Variants in ARHGAP28 observed in about 807,000 individuals in gnomAD.
ARHGAP28 encodes rho GTPase-activating protein 28.
ARHGAP28 carries 56 observed loss-of-function variants against 90.7 expected under a neutral mutation model. The ratio of observed to expected loss-of-function variants is 0.62; its 90% CI spans 0.50 to 0.77. The LOEUF (loss-of-function observed/expected upper bound fraction) is 0.77. ARHGAP28 is among the 30% of genes least tolerant of loss of function. The pLI, the probability that ARHGAP28 is intolerant of heterozygous loss-of-function variation, is 0.00. For missense variants in ARHGAP28, 869 were observed against 900.9 expected, an observed-to-expected ratio of 0.96 and a Z score of 0.45; for synonymous variants, 308 against 323.3, an observed-to-expected ratio of 0.95 and a Z score of 0.51.
intron 1 of ARHGAP28, among the ~76,000 whole-genome samples, chr18:6,812,477 C>T (rs1278035827): frequency 6.6e-6 from 1 of 152,142 alleles, no homozygotes; most frequent in African/African-American, 2.4e-5. Flanking sequence ...AAGGCAGTAA[C>T]ATTACTGGAA....
intron 1 of ARHGAP28, among the ~76,000 whole-genome samples, chr18:6,775,270 A>G (rs1004618759): frequency 1.2e-4 from 18 of 152,196 alleles, no homozygotes; most frequent in Non-Finnish European, 2.4e-4. Flanking sequence ...TTAGATTGCA[A>G]TCATCTGCAT....
chr18:6,882,534 T>C (rs575639054), intron 11 of ARHGAP28, among the ~76,000 whole-genome samples: 25 of 152,294 alleles, frequency 1.6e-4, no homozygotes, highest in African/African-American at 5.8e-4. Flanking sequence ...AAGACCAGGC[T>C]CTTGAGATTT....
At chr18:6,761,045 C>G (rs978028449) in intron 1 of ARHGAP28, among the ~76,000 whole-genome samples, 1 of 151,794 alleles carries the variant, frequency 6.6e-6, no homozygotes, top group Non-Finnish European at 1.5e-5. Context: ...TTAAAATGCA[C>G]GTAAACATAC....
chr18:6,736,162 TTC>T (rs2055925500), intron 1 of ARHGAP28, among the ~76,000 whole-genome samples: 1 of 152,210 alleles, frequency 6.6e-6, no homozygotes, highest in African/African-American at 2.4e-5. Context: ...GACTTTCTAT[TTC>T]TCTCATTTCT....
intron 16 of ARHGAP28, among the ~76,000 whole-genome samples, chr18:6,905,741 G>A (rs2057361693): frequency 6.6e-6 from 1 of 152,060 alleles, no homozygotes; most frequent in African/African-American, 2.4e-5. Flanking sequence ...AATCACATTG[G>A]AACATGTGGA....
chr18:6,828,244 G>C (rs1259197062), intron 2 of ARHGAP28, among the ~76,000 whole-genome samples: 3 of 152,168 alleles, frequency 2.0e-5, no homozygotes, highest in Non-Finnish European at 4.4e-5. Context: ...GCAGGCACTC[G>C]GCAGGCCCAG....
intron 1 of ARHGAP28, among the ~76,000 whole-genome samples, chr18:6,762,200 C>A (rs4402646): frequency 0.42 from 64,392 of 151,754 alleles, 14,797 homozygotes; most frequent in East Asian, 0.85. Context: ...CCAGGTGCAC[C>A]TCCTGCTCCA....
At chr18:6,730,216 C>CATATATATATATATATATATATATATAT (rs1555621909) in intron 1 of ARHGAP28, 5 of 105,592 alleles carry the variant, frequency 4.7e-5, no homozygotes, top group African/African-American at 2.9e-4. Flanking sequence ...GAGGATAAGT[C>CATATATATATATATATATATATATATAT]ATGTGTATAT....
chr18:6,747,311 T>C (rs1055738211), intron 1 of ARHGAP28, among the ~76,000 whole-genome samples: 6 of 152,144 alleles, frequency 3.9e-5, no homozygotes, highest in Non-Finnish European at 7.4e-5. Context: ...TATATTGGTC[T>C]ATAGATGAAG....
At chr18:6,765,699 A>C (rs1474999809) in intron 1 of ARHGAP28, among the ~76,000 whole-genome samples, 1 of 152,132 alleles carries the variant, frequency 6.6e-6, no homozygotes, top group Non-Finnish European at 1.5e-5. Context: ...GTAAGATGGA[A>C]GCTTAGATAA....
intron 2 of ARHGAP28, among the ~76,000 whole-genome samples, chr18:6,827,310 CG>C (rs1164665392): frequency 2.7e-5 from 4 of 145,850 alleles, no homozygotes; most frequent in South Asian, 2.2e-4. Flanking sequence ...GCTGGCCGGG[CG>C]GGGGGCTGAA....
chr18:6,817,278 C>T lies in ARHGAP28; in HGVS notation c.123-7484C>T, dbSNP rs1320112275. Among the ~76,000 whole-genome samples, 3 of 151,768 alleles carry T rather than the reference C, an allele frequency of 2.0e-5. 1 individual carries two copies. The highest frequency in any genetic ancestry group is 6.3e-3 in the Middle Eastern group (2 of 316). On this transcript the variant is annotated intron_variant, in intron 1 of 17. Transcript: ENST00000383472. ...AGGTTTCAGTGAGCTGAGATCATGC[C>T]ACTGCACTCCAGCCTGAGCTACAGA...
chr18:6,807,755 C>T (rs1441700764), intron 1 of ARHGAP28, among the ~76,000 whole-genome samples: 1 of 152,170 alleles, frequency 6.6e-6, no homozygotes, highest in Non-Finnish European at 1.5e-5. Context: ...TGACGGGGCT[C>T]CTCTGAGGAG....
chr18:6,865,917 G>A (rs954456733), intron 5 of ARHGAP28, among the ~76,000 whole-genome samples: 12 of 152,148 alleles, frequency 7.9e-5, no homozygotes, highest in African/African-American at 2.9e-4. Flanking sequence ...GATCACATTA[G>A]GGAAACGGTG....
intron 1 of ARHGAP28, among the ~76,000 whole-genome samples, chr18:6,786,130 A>G (rs189907492): frequency 7.9e-5 from 12 of 152,300 alleles, no homozygotes; most frequent in Non-Finnish European, 2.9e-5. Flanking sequence ...AGTTGAACAA[A>G]ACAGTATTTT....
At chr18:6,738,188 A>T (rs2055944849) in intron 1 of ARHGAP28, among the ~76,000 whole-genome samples, 1 of 152,200 alleles carries the variant, frequency 6.6e-6, no homozygotes. Context: ...TATTTGTGCT[A>T]TTTTAGCAAT....
At chr18:6,805,055 G>A (rs938842975) in intron 1 of ARHGAP28, among the ~76,000 whole-genome samples, 23 of 151,940 alleles carry the variant, frequency 1.5e-4, no homozygotes, top group African/African-American at 5.6e-4. Context: ...GAACCTCTGG[G>A]CTAACACTGT....
chr18:6,879,276 C>CT lies in ARHGAP28; in HGVS notation c.1291-2855dup, dbSNP rs1167878530. On this transcript the variant is annotated intron_variant, in intron 10 of 17. Coordinates refer to ENST00000383472, the MANE Select transcript of ARHGAP28 (RefSeq NM_001366230.1). The stretch of plus-strand genomic sequence containing the variant: ...CAGACTGTTTGACATGCGAGATTTT[C>CT]TTTTTTGACTAGTTTGAATCATTCC... Among the ~76,000 whole-genome samples, 34 of 152,176 alleles carry CT rather than the reference C, an allele frequency of 2.2e-4. 2 individuals are homozygous for CT. The highest frequency in any genetic ancestry group is 1.2e-3 in the Admixed American group (19 of 15,276).
rs1441779585 is a variant in ARHGAP28, at chr18:6,882,275, C to T, written c.1429C>T (p.Pro477Ser). The T allele has an allele frequency of 5.0e-6, 8 of 1,613,568 alleles. No individual in the cohort carries two copies. Among genetic ancestry groups the T allele is most frequent in the African/African-American group, 1.3e-5 (1 of 74,878 alleles). ...PTSLFPVEYI[P>S]AFISLMERGP... ...CTCTCTCTTCCCTGTGGAATATATA[C>T]CTGCCTTCATCAGTCTAATGGAAAG... is the stretch of plus-strand genomic sequence containing the variant. The change falls in exon 11 of 18, where the codon CCT (proline) becomes TCT (serine). Residue 477 changes from proline to serine, a missense_variant. Coordinates refer to ENST00000383472, the MANE Select transcript of ARHGAP28 (RefSeq NM_001366230.1).
Sources: allele counts gnomAD v4.1 joint callset (sites outside exome capture counted in the v4.1 genomes callset), GRCh38; gene constraint gnomAD v4.1.1; transcripts MANE v1.5; gene names NCBI Gene and HGNC (gene_info 2026-07-23, HGNC 2026-07-21).